Variants in SLC8A3 observed in about 807,000 individuals in gnomAD.
SLC8A3 encodes sodium/calcium exchanger 3.
A neutral mutation model predicts 65.4 loss-of-function variants in SLC8A3; 37 were observed. The observed-to-expected ratio is 0.57, with a 90% CI of 0.44 to 0.74. The LOEUF is 0.74. Ranked by LOEUF, SLC8A3 falls within the 30% of genes least tolerant of loss-of-function variation. The pLI, the probability that SLC8A3 is intolerant of heterozygous loss-of-function variation, is 0.00. For synonymous variants in SLC8A3, 461 were observed against 444.5 expected (o/e 1.04, Z -0.47); for missense variants, 1,112 against 1,172.1 (o/e 0.95, Z 0.75).
chr14:70,153,547 G>A (rs1056897821), intron 2 of SLC8A3, among the ~76,000 whole-genome samples: 9 of 152,122 alleles, frequency 5.9e-5, no homozygotes, highest in African/African-American at 1.9e-4. Flanking sequence ...AGCCCTCAGT[G>A]GTTCCCCCTT....
chr14:70,048,459 TTGTC>T, intron 6 of SLC8A3: 1 of 595,896 alleles, frequency 1.7e-6, no homozygotes, highest in Non-Finnish European at 3.0e-6. Context: ...CTCAGTTTCT[TTGTC>T]TGTGAAGTGG....
chr14:70,063,218 G>A (rs1244425384), intron 2 of SLC8A3, among the ~76,000 whole-genome samples: 1 of 152,212 alleles, frequency 6.6e-6, no homozygotes, highest in Non-Finnish European at 1.5e-5. Context: ...ACTCAAACCT[G>A]TACTTTCAGC....
At chr14:70,183,915 A>C (rs1297564666) in intron 1 of SLC8A3, among the ~76,000 whole-genome samples, 1 of 152,222 alleles carries the variant, frequency 6.6e-6, no homozygotes, top group Non-Finnish European at 1.5e-5. Context: ...TGCTGCACAT[A>C]GCTTTCTCCA....
intron 2 of SLC8A3, among the ~76,000 whole-genome samples, chr14:70,136,688 A>G (rs1047587168): frequency 2.0e-5 from 3 of 152,202 alleles, no homozygotes; most frequent in African/African-American, 7.2e-5. Context: ...GGTTCAAAGC[A>G]TCCTGCTTAT....
At chr14:70,099,487 T>G (rs1892418335) in intron 2 of SLC8A3, among the ~76,000 whole-genome samples, 1 of 152,216 alleles carries the variant, frequency 6.6e-6, no homozygotes, top group Non-Finnish European at 1.5e-5. Context: ...ATTTACTTTA[T>G]CTCATTGAGT....
intron 2 of SLC8A3, among the ~76,000 whole-genome samples, chr14:70,118,122 A>G (rs1893784681): frequency 6.6e-6 from 1 of 152,186 alleles, no homozygotes; most frequent in Non-Finnish European, 1.5e-5. Context: ...AATAAATTCC[A>G]GGTAAATTTT....
chr14:70,094,233 G>T (rs993243217), intron 2 of SLC8A3, among the ~76,000 whole-genome samples: 1 of 152,208 alleles, frequency 6.6e-6, no homozygotes, highest in Non-Finnish European at 1.5e-5. Context: ...AAATCCCAGC[G>T]CTGCAGCCAC....
At chr14:70,162,183 A>G (rs879178245) in intron 2 of SLC8A3, among the ~76,000 whole-genome samples, 1 of 152,216 alleles carries the variant, frequency 6.6e-6, no homozygotes, top group Non-Finnish European at 1.5e-5. Context: ...AAGAATTGCC[A>G]TATTCTTTTT....
At chr14:70,128,193 G>T (rs1894604894) in intron 2 of SLC8A3, among the ~76,000 whole-genome samples, 1 of 151,990 alleles carries the variant, frequency 6.6e-6, no homozygotes, top group Non-Finnish European at 1.5e-5. Context: ...CATACCACTT[G>T]GTATCCAAAT....
intron 2 of SLC8A3, among the ~76,000 whole-genome samples, chr14:70,146,769 T>A (rs1049260874): frequency 6.6e-6 from 1 of 152,176 alleles, no homozygotes; most frequent in Admixed American, 6.5e-5. Context: ...TTTGCGCTGA[T>A]GAGTTTGCTG....
chr14:70,060,979 G>C, intron 2 of SLC8A3, 40 bp from the exon 3 acceptor site: 1 of 937,974 alleles, frequency 1.1e-6, no homozygotes. Context: ...CGACTGGGTC[G>C]GTAGATTGGT....
intron 2 of SLC8A3, among the ~76,000 whole-genome samples, chr14:70,139,650 T>C (rs1459000705): frequency 6.6e-6 from 1 of 152,178 alleles, no homozygotes; most frequent in Non-Finnish European, 1.5e-5. Flanking sequence ...GGGGTTCCCA[T>C]GGCTCCCCAA....
rs537111995 is a variant in SLC8A3, at chr14:70,072,890, C to A, written c.1785-11951G>T. Among the ~76,000 whole-genome samples, 268 of 152,332 alleles carry A rather than the reference C, an allele frequency of 1.8e-3. 1 individual carries two copies. Among genetic ancestry groups the A allele is most frequent in the Middle Eastern group, 3.4e-3 (1 of 294 alleles). On this transcript the variant is annotated intron_variant, in intron 2 of 6. Coordinates refer to ENST00000356921, the MANE Select transcript of SLC8A3 (RefSeq NM_182932.3). ...CTCAAACTCGTGACCTCAGGTGATC[C>A]GCCTGCTTTGGCCTCCCAAAGTGCT...
At chr14:70,125,016 G>A (rs531128096) in intron 2 of SLC8A3, among the ~76,000 whole-genome samples, 2 of 152,206 alleles carry the variant, frequency 1.3e-5, no homozygotes, top group East Asian at 1.9e-4. Flanking sequence ...TTTCCCTTCA[G>A]CCACTTAACA....
At chr14:70,166,578 G>T in intron 2 of SLC8A3, 61 bp downstream of exon 2, 1 of 976,714 alleles carries the variant, frequency 1.0e-6, no homozygotes, top group Non-Finnish European at 1.6e-6. Context: ...AGTACAGAAA[G>T]ACAGAAAGAG....
chr14:70,079,456 T>A (rs1890845693), intron 2 of SLC8A3, among the ~76,000 whole-genome samples: 1 of 151,730 alleles, frequency 6.6e-6, no homozygotes, highest in South Asian at 2.1e-4. Context: ...TGAGCTGAGA[T>A]GGTGCCACTG....
At chr14:70,150,505 A>T (rs1302165293) in intron 2 of SLC8A3, among the ~76,000 whole-genome samples, 1 of 152,166 alleles carries the variant, frequency 6.6e-6, no homozygotes, top group African/African-American at 2.4e-5. Context: ...ACTCATCAAG[A>T]CAGTGATAGG....
At chr14:70,130,987 G>C (rs896419215) in intron 2 of SLC8A3, among the ~76,000 whole-genome samples, 1 of 152,188 alleles carries the variant, frequency 6.6e-6, no homozygotes, top group Non-Finnish European at 1.5e-5. Context: ...AGTAGATGAA[G>C]TAGATCAAGG....
chr14:70,144,331 T>TA (rs1164198147), intron 2 of SLC8A3, among the ~76,000 whole-genome samples: 3 of 66,934 alleles, frequency 4.5e-5, no homozygotes, highest in African/African-American at 2.1e-4. Context: ...TTTTTTTTTT[T>TA]AAAAAAAAAA....
Sources: allele counts gnomAD v4.1 joint callset (sites outside exome capture counted in the v4.1 genomes callset), GRCh38; gene constraint gnomAD v4.1.1; transcripts MANE v1.5; gene names NCBI Gene and HGNC (gene_info 2026-07-23, HGNC 2026-07-21).